Variants in HPSE2 observed in about 807,000 individuals in gnomAD.
The protein encoded by HPSE2 is inactive heparanase-2.
HPSE2 carries 38 observed loss-of-function variants against 60.5 expected under a neutral mutation model. The ratio of observed to expected loss-of-function variants is 0.63; its 90% CI spans 0.48 to 0.82. The LOEUF (loss-of-function observed/expected upper bound fraction) is 0.82. Ranked by LOEUF, HPSE2 falls within the 40% of genes least tolerant of loss-of-function variation. The pLI, the probability that HPSE2 is intolerant of heterozygous loss-of-function variation, is 0.00. For synonymous variants in HPSE2, 295 were observed against 293.2 expected (o/e 1.01, Z -0.06); for missense variants, 713 against 740.4 (o/e 0.96, Z 0.43).
At chr10:98,674,770 A>C (rs974164239) in intron 6 of HPSE2, among the ~76,000 whole-genome samples, 7 of 152,040 alleles carry the variant, frequency 4.6e-5, no homozygotes, top group African/African-American at 9.7e-5. Flanking sequence ...CACACACAAA[A>C]AAATAGCCAG....
intron 3 of HPSE2, among the ~76,000 whole-genome samples, chr10:99,089,787 A>C (rs1843448903): frequency 6.6e-6 from 1 of 152,126 alleles, no homozygotes; most frequent in African/African-American, 2.4e-5. Context: ...TTCACAATAA[A>C]GATTCTACCC....
chr10:98,667,477 A>C (rs1421389718), intron 6 of HPSE2, among the ~76,000 whole-genome samples: 1 of 152,194 alleles, frequency 6.6e-6, no homozygotes, highest in South Asian at 2.1e-4. Context: ...CACAATGAAA[A>C]AAGAAAACTT....
At chr10:99,275,330 T>C in the HPSE2 span, among the ~76,000 whole-genome samples, 2 of 152,182 alleles carry the variant, frequency 1.3e-5, no homozygotes, top group Admixed American at 1.3e-4. Flanking sequence ...TCTGTTTTCT[T>C]TGCAGGTGCT....
At chr10:98,734,906 CACACAA>C (rs1198146239) in intron 4 of HPSE2, among the ~76,000 whole-genome samples, 1 of 151,038 alleles carries the variant, frequency 6.6e-6, no homozygotes, top group African/African-American at 2.4e-5. Context: ...CACACACACA[CACACAA>C]ACACACACAA....
At chr10:99,289,271 T>C in the HPSE2 span, among the ~76,000 whole-genome samples, 2 of 152,096 alleles carry the variant, frequency 1.3e-5, no homozygotes, top group African/African-American at 4.8e-5. Context: ...AAATCATAAA[T>C]AGAAGATGAA....
At chr10:99,048,640 G>T (rs926062026) in intron 3 of HPSE2, among the ~76,000 whole-genome samples, 3 of 152,246 alleles carry the variant, frequency 2.0e-5, no homozygotes, top group African/African-American at 7.2e-5. Context: ...GGGAATGTAA[G>T]TTAGTTCAAC....
chr10:98,662,645 C>A (rs1947255417), intron 6 of HPSE2, among the ~76,000 whole-genome samples: 1 of 152,134 alleles, frequency 6.6e-6, no homozygotes, highest in African/African-American at 2.4e-5. Flanking sequence ...GTACAACAAA[C>A]CCCTGTGACA....
chr10:98,730,849 C>T (rs757665255), intron 4 of HPSE2, among the ~76,000 whole-genome samples: 3 of 152,212 alleles, frequency 2.0e-5, no homozygotes, highest in African/African-American at 4.8e-5. Flanking sequence ...AGCCCAGATC[C>T]GTATGGATTA....
At chr10:99,080,269 T>C (rs1189330069) in intron 3 of HPSE2, among the ~76,000 whole-genome samples, 1 of 152,198 alleles carries the variant, frequency 6.6e-6, no homozygotes, top group East Asian at 1.9e-4. Context: ...GACACTACTT[T>C]AATGAGCCTA....
At chr10:98,526,679 G>A (rs888471516) in intron 9 of HPSE2, among the ~76,000 whole-genome samples, 1 of 152,142 alleles carries the variant, frequency 6.6e-6, no homozygotes, top group Non-Finnish European at 1.5e-5. Flanking sequence ...GACGAAGGAC[G>A]GGTTAGGAAT....
In HPSE2 at chr10:99,047,261, C is replaced by A. The variant is rs535882916; in HGVS notation, c.610+96977G>T. On this transcript the variant is annotated intron_variant, in intron 3 of 11. Coordinates refer to ENST00000370552, the MANE Select transcript of HPSE2 (RefSeq NM_021828.5). Reference sequence around the variant, plus strand: ...TGATTAATGGTGCTGGGATAACTGGCTATCCATATGCAGAAGAATAAAACT... The same window carrying A: ...TGATTAATGGTGCTGGGATAACTGGATATCCATATGCAGAAGAATAAAACT... 9.2e-5 allele frequency among the ~76,000 whole-genome samples: 14 copies of A among 152,268 alleles called. No homozygotes were observed. The South Asian group carries it at 2.9e-3, about 32-fold the overall frequency.
intron 3 of HPSE2, among the ~76,000 whole-genome samples, chr10:98,833,655 ATGT>A (rs1023177794): frequency 6.6e-6 from 1 of 152,148 alleles, no homozygotes; most frequent in African/African-American, 2.4e-5. Context: ...AAGTTACTTA[ATGT>A]TGTAGAGACA....
chr10:98,907,019 G>A (rs927794874), intron 3 of HPSE2, among the ~76,000 whole-genome samples: 8 of 152,076 alleles, frequency 5.3e-5, no homozygotes, highest in African/African-American at 1.4e-4. Context: ...AACTAGGCAC[G>A]CACGTAATCT....
intron 9 of HPSE2, among the ~76,000 whole-genome samples, chr10:98,527,991 G>T (rs145867272): frequency 6.6e-6 from 1 of 152,284 alleles, no homozygotes; most frequent in East Asian, 1.9e-4. Flanking sequence ...CTTCAGCAGT[G>T]GGACAGGTGG....
At chr10:98,882,373 C>T (rs974138954) in intron 3 of HPSE2, among the ~76,000 whole-genome samples, 1 of 152,136 alleles carries the variant, frequency 6.6e-6, no homozygotes, top group South Asian at 2.1e-4. Context: ...ACCTCAAAGT[C>T]TCGATGACTT....
chr10:99,272,861 G>A, the HPSE2 span, among the ~76,000 whole-genome samples: 75,155 of 152,148 alleles, frequency 0.49, 21,749 homozygotes, highest in Non-Finnish European at 0.64. Flanking sequence ...GGAAAACTGT[G>A]GAGATTCCTT....
chr10:98,715,189 G>A (rs752924232), intron 5 of HPSE2, among the ~76,000 whole-genome samples: 19 of 151,734 alleles, frequency 1.3e-4, no homozygotes, highest in Non-Finnish European at 2.5e-4. Context: ...CTTAGTTTTG[G>A]TAAAGTCCAA....
At chr10:99,147,179 C>T (rs1846086736) in intron 2 of HPSE2, among the ~76,000 whole-genome samples, 1 of 152,180 alleles carries the variant, frequency 6.6e-6, no homozygotes, top group Non-Finnish European at 1.5e-5. Context: ...GGTCAGTGCT[C>T]AAATCCAGGG....
chr10:98,772,326 T>C (rs1950258092), intron 3 of HPSE2, among the ~76,000 whole-genome samples: 1 of 152,106 alleles, frequency 6.6e-6, no homozygotes, highest in African/African-American at 2.4e-5. Flanking sequence ...CAAAAATGGA[T>C]GACTGGGAAA....
Sources: allele counts gnomAD v4.1 joint callset (sites outside exome capture counted in the v4.1 genomes callset), GRCh38; gene constraint gnomAD v4.1.1; transcripts MANE v1.5; gene names NCBI Gene and HGNC (gene_info 2026-07-23, HGNC 2026-07-21).